The following GRID2 variants were observed in gnomAD, a reference collection of about 807,000 sequenced individuals.
The protein encoded by GRID2 is glutamate ionotropic receptor delta type subunit 2.
In GRID2, 33 loss-of-function variants were observed where a neutral mutation model predicts 114.8. The ratio of observed to expected loss-of-function variants is 0.29; its 90% CI spans 0.22 to 0.38. GRID2 has a LOEUF of 0.38. Ranked by LOEUF, GRID2 falls within the 10% of genes least tolerant of loss-of-function variation. The probability of loss-of-function intolerance (pLI) is 1.00; values close to 1 mark genes in which losing one functional copy is unlikely to be tolerated. For missense variants in GRID2, 1,184 were observed against 1,257.7 expected (o/e 0.94, Z 0.89); for synonymous variants, 505 against 449.9 (o/e 1.12, Z -1.55).
At chr4:93,093,784 T>C (rs1730976902) in intron 3 of GRID2, among the ~76,000 whole-genome samples, 1 of 151,980 alleles carries the variant, frequency 6.6e-6, no homozygotes, top group Non-Finnish European at 1.5e-5. Context: ...GCCTAGGGTG[T>C]TTAGTCTCTC....
At chr4:93,506,238 A>G (rs1046528878) in intron 12 of GRID2, among the ~76,000 whole-genome samples, 9 of 152,162 alleles carry the variant, frequency 5.9e-5, no homozygotes, top group African/African-American at 2.2e-4. Flanking sequence ...GGGCTGACCC[A>G]GAATACTTTC....
chr4:92,700,817 C>A (rs540585482), intron 2 of GRID2, among the ~76,000 whole-genome samples: 2 of 151,962 alleles, frequency 1.3e-5, no homozygotes, highest in African/African-American at 4.8e-5. Flanking sequence ...ACAGTGAAAC[C>A]CCGTCTCTGC....
At chr4:93,745,340 A>C (rs1731753573) in intron 14 of GRID2, among the ~76,000 whole-genome samples, 2 of 152,234 alleles carry the variant, frequency 1.3e-5, no homozygotes, top group African/African-American at 4.8e-5. Context: ...ATAGAAATCA[A>C]TTCAATGAGA....
At chr4:93,571,948 A>C (rs1196134641) in intron 13 of GRID2, among the ~76,000 whole-genome samples, 1 of 152,130 alleles carries the variant, frequency 6.6e-6, no homozygotes, top group African/African-American at 2.4e-5. Context: ...GATCAGGCTT[A>C]ATCGCAGAAA....
intron 13 of GRID2, among the ~76,000 whole-genome samples, chr4:93,544,253 T>G (rs1461402490): frequency 6.6e-6 from 1 of 152,052 alleles, no homozygotes; most frequent in Non-Finnish European, 1.5e-5. Context: ...TCCTTTGAGA[T>G]CTCTGGGAAA....
intron 1 of GRID2, among the ~76,000 whole-genome samples, chr4:93,803,005 T>C (rs1464165049): frequency 2.4e-4 from 36 of 152,228 alleles, no homozygotes; most frequent in Admixed American, 2.4e-3. Flanking sequence ...TCTGCTCCAA[T>C]GGCCTTGTTT....
chr4:93,608,253 T>C (rs1017431860), intron 13 of GRID2, among the ~76,000 whole-genome samples: 4 of 150,054 alleles, frequency 2.7e-5, no homozygotes, highest in African/African-American at 9.7e-5. Flanking sequence ...ATTTTATTAT[T>C]TTATTTTAAA....
intron 13 of GRID2, among the ~76,000 whole-genome samples, chr4:93,521,190 A>G (rs1426045631): frequency 6.6e-6 from 1 of 152,138 alleles, no homozygotes; most frequent in Non-Finnish European, 1.5e-5. Context: ...AACCATGACA[A>G]GAGTAGGTTT....
At chr4:92,585,323 C>T (rs966932455) in intron 1 of GRID2, among the ~76,000 whole-genome samples, 17 of 151,972 alleles carry the variant, frequency 1.1e-4, no homozygotes, top group Middle Eastern at 3.4e-3. Flanking sequence ...AAGTTTATTC[C>T]TTTTATGATT....
chr4:92,822,259 T>C, intron 2 of GRID2: 1 of 569,272 alleles, frequency 1.8e-6, no homozygotes, highest in Non-Finnish European at 3.5e-6. Flanking sequence ...TGCTTGCCTT[T>C]GTTGAGATCG....
At chr4:93,790,069 C>T (rs1481813833) in intron 1 of GRID2, among the ~76,000 whole-genome samples, 1 of 150,798 alleles carries the variant, frequency 6.6e-6, no homozygotes, top group Non-Finnish European at 1.5e-5. Context: ...AAACCATCCC[C>T]CTCCCCCCAC....
chr4:93,344,238 G>A (rs966525556), intron 8 of GRID2, among the ~76,000 whole-genome samples: 1 of 151,930 alleles, frequency 6.6e-6, no homozygotes, highest in South Asian at 2.1e-4. Flanking sequence ...CATGAATGGG[G>A]TATTTATATA....
chr4:93,194,414 A>G (rs973118084), intron 4 of GRID2, among the ~76,000 whole-genome samples: 1 of 152,196 alleles, frequency 6.6e-6, no homozygotes, highest in African/African-American at 2.4e-5. Context: ...TCTCTTTACA[A>G]TAGGCTTGAA....
chr4:92,573,788 A>G (rs1445300913), intron 1 of GRID2, among the ~76,000 whole-genome samples: 1 of 151,944 alleles, frequency 6.6e-6, no homozygotes, highest in Non-Finnish European at 1.5e-5. Context: ...TGTACATTCC[A>G]TTGCTTTGGG....
intron 14 of GRID2, among the ~76,000 whole-genome samples, chr4:93,754,428 CTTCT>C (rs2110292333): frequency 6.6e-6 from 1 of 152,302 alleles, no homozygotes; most frequent in South Asian, 2.1e-4. Context: ...TCACGTTACT[CTTCT>C]TTCTATGACA....
Position 92,953,551 on chromosome 4 carries a change from G to A in GRID2, c.245-131444G>A, listed in dbSNP as rs186274150. On this transcript the variant is annotated intron_variant, in intron 2 of 15. Coordinates refer to ENST00000282020, the MANE Select transcript of GRID2 (RefSeq NM_001510.4). ...ATTATATTTTCTCTTTGTTCATGAC[G>A]GGCATAGTCAAGTGATGATTAGTTT... Among the ~76,000 whole-genome samples, 188 of 151,982 alleles carry A rather than the reference G, an allele frequency of 1.2e-3. 1 individual carries two copies. Among genetic ancestry groups the A allele is most frequent in the African/African-American group, 4.2e-3 (175 of 41,462 alleles).
chr4:93,106,049 A>T (rs1732194551), intron 3 of GRID2, among the ~76,000 whole-genome samples: 1 of 152,172 alleles, frequency 6.6e-6, no homozygotes. Flanking sequence ...TCTTATGTTT[A>T]ATAACTCAAT....
At chr4:92,475,476 G>T (rs1722260806) in intron 1 of GRID2, among the ~76,000 whole-genome samples, 1 of 151,536 alleles carries the variant, frequency 6.6e-6, no homozygotes, top group South Asian at 2.1e-4. Context: ...AAATCAAATG[G>T]CAGTACATGT....
At chr4:93,485,227 A>G (rs576352861) in intron 11 of GRID2, among the ~76,000 whole-genome samples, 23 of 151,750 alleles carry the variant, frequency 1.5e-4, no homozygotes, top group Non-Finnish European at 3.2e-4. Flanking sequence ...GAAACCACCT[A>G]TCCATTTTTC....
Sources: allele counts gnomAD v4.1 joint callset (sites outside exome capture counted in the v4.1 genomes callset), GRCh38; gene constraint gnomAD v4.1.1; transcripts MANE v1.5; gene names NCBI Gene and HGNC (gene_info 2026-07-23, HGNC 2026-07-21).